EPHA7: variants seen among roughly 807,000 people sequenced by gnomAD.
EPHA7 encodes ephrin type-A receptor 7.
Under a neutral mutation model 112.6 loss-of-function variants are expected in EPHA7, and 25 were observed. The ratio of observed to expected loss-of-function variants is 0.22; its 90% CI spans 0.16 to 0.31. The LOEUF (loss-of-function observed/expected upper bound fraction) is 0.31. Among genes scored for constraint, EPHA7 ranks in the 10% least tolerant of loss-of-function variants. EPHA7 has a pLI of 1.00. For missense variants in EPHA7, 962 were observed against 1,212.6 expected (o/e 0.79, Z 3.07); for synonymous variants, 437 against 406.5 (o/e 1.07, Z -0.90).
At chr6:93,270,632 T>C (rs73530353) in intron 6 of EPHA7, among the ~76,000 whole-genome samples, 15,824 of 151,694 alleles carry the variant, frequency 0.1, 1,096 homozygotes, top group Non-Finnish European at 0.15. Flanking sequence ...TTCATTGAAA[T>C]CTTAAAATGT....
intron 4 of EPHA7, among the ~76,000 whole-genome samples, chr6:93,357,801 GC>G (rs973899253): frequency 4.6e-5 from 7 of 151,846 alleles, no homozygotes; most frequent in Non-Finnish European, 1.0e-4. Context: ...TTACAGGTGG[GC>G]GCCACCACTC....
chr6:93,401,518 C>T (rs559817838), intron 3 of EPHA7, among the ~76,000 whole-genome samples: 1 of 151,758 alleles, frequency 6.6e-6, no homozygotes, highest in African/African-American at 2.4e-5. Context: ...GTGTGTAACA[C>T]GGGTAGAAAA....
At chr6:93,376,985 C>A (rs1265633979) in intron 3 of EPHA7, among the ~76,000 whole-genome samples, 1 of 152,104 alleles carries the variant, frequency 6.6e-6, no homozygotes, top group Non-Finnish European at 1.5e-5. Flanking sequence ...ATGAGGAAAT[C>A]AAAGATCCAT....
chr6:93,370,593 T>C (rs557895069), intron 3 of EPHA7, among the ~76,000 whole-genome samples: 2 of 152,288 alleles, frequency 1.3e-5, no homozygotes, highest in East Asian at 3.9e-4. Context: ...TTAAAAACAA[T>C]GGGATATTAC....
At chr6:93,258,703 C>T (rs1332160530) in intron 10 of EPHA7, among the ~76,000 whole-genome samples, 1 of 148,478 alleles carries the variant, frequency 6.7e-6, no homozygotes, top group Non-Finnish European at 1.5e-5. Context: ...TAGTATATTA[C>T]CTAGACTACC....
chr6:93,335,643 CCA>C (rs1774829530), intron 5 of EPHA7, among the ~76,000 whole-genome samples: 1 of 151,900 alleles, frequency 6.6e-6, no homozygotes, highest in African/African-American at 2.4e-5. Context: ...TAATAATCAT[CCA>C]CAGTTTTCAT....
intron 2 of EPHA7, among the ~76,000 whole-genome samples, chr6:93,411,990 C>T (rs1480808279): frequency 6.6e-6 from 1 of 151,588 alleles, no homozygotes; most frequent in Non-Finnish European, 1.5e-5. Flanking sequence ...AATATTTTCT[C>T]AAAAAAGGAA....
At chr6:93,362,039 T>C (rs1776286444) in intron 3 of EPHA7, among the ~76,000 whole-genome samples, 1 of 152,112 alleles carries the variant, frequency 6.6e-6, no homozygotes, top group Non-Finnish European at 1.5e-5. Flanking sequence ...CTTATTTTAA[T>C]AACAGTATTT....
intron 3 of EPHA7, among the ~76,000 whole-genome samples, chr6:93,404,571 CTT>C (rs1428595549): frequency 3.1e-4 from 47 of 149,572 alleles, no homozygotes; most frequent in Admixed American, 5.4e-4. Flanking sequence ...TATATACAAA[CTT>C]ATATAAGATA....
Position 93,240,792 on chromosome 6 carries a change from T to C in EPHA7, c.*2634A>G, listed in dbSNP as rs1769657908. The C allele has an allele frequency of 4.7e-6, 1 of 212,414 alleles. No individual in the cohort carries two copies. Among genetic ancestry groups the C allele is most frequent in the Admixed American group, 5.9e-5 (1 of 17,088 alleles). 13.2% of individuals were successfully genotyped at this position (212,414 alleles called of 1,614,324 possible). A position where few individuals can be genotyped will look rare whatever the true frequency, so the allele number is the denominator to read the frequency against. Reference sequence around the variant, plus strand: ...TGCAAGTTGTACATTCTTATCGTTATACCATCTCATCTCTTTCTGGAAGAG... The same window carrying C: ...TGCAAGTTGTACATTCTTATCGTTACACCATCTCATCTCTTTCTGGAAGAG... On this transcript the variant is annotated 3_prime_UTR_variant, in exon 17 of 17. Transcript: ENST00000369303.
At chr6:93,333,083 T>C (rs767429666) in intron 5 of EPHA7, among the ~76,000 whole-genome samples, 1 of 151,808 alleles carries the variant, frequency 6.6e-6, no homozygotes, top group Non-Finnish European at 1.5e-5. Flanking sequence ...CCCTTCTTTG[T>C]GTCTCTCTGT....
chr6:93,318,967 T>C (rs771655918), intron 5 of EPHA7, among the ~76,000 whole-genome samples: 3 of 152,116 alleles, frequency 2.0e-5, no homozygotes, highest in Non-Finnish European at 4.4e-5. Context: ...AAAAATGATA[T>C]GCATTCAATA....
At chr6:93,295,487 T>C (rs1325262362) in intron 5 of EPHA7, among the ~76,000 whole-genome samples, 2 of 151,534 alleles carry the variant, frequency 1.3e-5, no homozygotes, top group East Asian at 3.9e-4. Context: ...TAAATAAATA[T>C]ATAATAGATA....
At chr6:93,244,185 T>G (rs1769838744) in intron 16 of EPHA7, among the ~76,000 whole-genome samples, 1 of 152,170 alleles carries the variant, frequency 6.6e-6, no homozygotes, top group Admixed American at 6.5e-5. Context: ...AATGAGCTGA[T>G]GTCTTTACAA....
chr6:93,345,004 T>C (rs948743184), intron 5 of EPHA7, among the ~76,000 whole-genome samples: 5 of 151,554 alleles, frequency 3.3e-5, no homozygotes, highest in Admixed American at 6.6e-5. Flanking sequence ...ACCATTCGAA[T>C]GCCCATTCTC....
chr6:93,335,069 T>G (rs897982596), intron 5 of EPHA7, among the ~76,000 whole-genome samples: 3 of 152,086 alleles, frequency 2.0e-5, no homozygotes, highest in African/African-American at 7.2e-5. Context: ...TTTATCACCT[T>G]CGGCAATTTG....
rs1778930410 is a variant in EPHA7, at chr6:93,410,611, T to G, written c.722A>C (p.Glu241Ala). 2 of 1,614,032 alleles carry G rather than the reference T, an allele frequency of 1.2e-6. No individual in the cohort carries two copies. Among genetic ancestry groups the G allele is most frequent in the Non-Finnish European group, 1.7e-6 (2 of 1,179,958 alleles). ...RGTCVSSAEE[E>A]AENAPRMHCS... is the part of the protein sequence containing the mutation. ...GTGCATCCTGGGGGCGTTTTCCGCTTCTTCCTCTGCACTGCTGACACATGT... is the reference window on the plus strand; with the variant it reads ...GTGCATCCTGGGGGCGTTTTCCGCTGCTTCCTCTGCACTGCTGACACATGT... Residue 241 changes from glutamate (E) to alanine (A), a missense_variant, in exon 3 of 17, where the codon GAA becomes GCA. Coordinates refer to ENST00000369303, the MANE Select transcript of EPHA7 (RefSeq NM_004440.4). The surrounding 1 kb of genome is among the most constrained non-coding windows in gnomAD (Gnocchi z 4.0).
intron 3 of EPHA7, among the ~76,000 whole-genome samples, chr6:93,407,379 A>G (rs1778770136): frequency 6.6e-6 from 1 of 152,036 alleles, no homozygotes; most frequent in Non-Finnish European, 1.5e-5. Flanking sequence ...AAACAGGAAG[A>G]ATACTATAAA....
At chr6:93,303,635 T>A (rs1773105950) in intron 5 of EPHA7, among the ~76,000 whole-genome samples, 1 of 152,050 alleles carries the variant, frequency 6.6e-6, no homozygotes, top group Non-Finnish European at 1.5e-5. Context: ...ATACACACAA[T>A]CATATGGATC....
Sources: allele counts gnomAD v4.1 joint callset (sites outside exome capture counted in the v4.1 genomes callset), GRCh38; gene constraint gnomAD v4.1.1; non-coding constraint Gnocchi (gnomAD v3.1); transcripts MANE v1.5; gene names NCBI Gene and HGNC (gene_info 2026-07-23, HGNC 2026-07-21).